Variants in NR4A1 observed in about 807,000 individuals in gnomAD.
NR4A1 encodes the protein nuclear receptor subfamily 4 group A member 1, also known as nuclear receptor subfamily 4immunitygroup A member 1.
In NR4A1, 24 loss-of-function variants were observed where a neutral mutation model predicts 47.5. The observed-to-expected ratio is 0.50, with a 90% CI of 0.37 to 0.71. The LOEUF is 0.71. Ranked by LOEUF, NR4A1 falls within the 30% of genes least tolerant of loss-of-function variation. The pLI is 0.00. For missense variants in NR4A1, 669 were observed against 788.6 expected (o/e 0.85, Z 1.82); for synonymous variants, 353 against 345.7 (o/e 1.02, Z -0.24).
In NR4A1 at chr12:52,057,217, A is replaced by G; in HGVS notation, c.1319A>G (p.Glu440Gly). 1 of 1,613,964 alleles carries G rather than the reference A, an allele frequency of 6.2e-7. No homozygotes were observed. The highest frequency in any genetic ancestry group is 2.2e-5 in the East Asian group (1 of 44,878). Reference protein sequence around the residue: ...LSPADQDLLLESAFLELFILR... With the variant: ...LSPADQDLLLGSAFLELFILR... ...CCGGCTGACCAGGACCTGTTGCTGGAGTCGGCCTTCCTGGAGCTCTTCATC... is the reference window on the plus strand; with the variant it reads ...CCGGCTGACCAGGACCTGTTGCTGGGGTCGGCCTTCCTGGAGCTCTTCATC... The change falls in exon 5 of 7, where the codon GAG becomes GGG. Residue 440 changes from glutamate to glycine, a missense_variant. Physicochemically the swap from Glu to Gly is moderately conservative, Grantham distance 98. Coordinates refer to ENST00000394825, the MANE Select transcript of NR4A1 (RefSeq NM_173157.3).
chr12:52,057,319 C>G, intron 5 of NR4A1, 33 bp from the exon 6 acceptor site: 2 of 1,614,020 alleles, frequency 1.2e-6, no homozygotes, highest in Non-Finnish European at 1.7e-6. Context: ...TGTGAACCAC[C>G]CTGATCGCTC....
rs759337630 is a variant in NR4A1, at chr12:52,057,046, C to T, written c.1159-11C>T. ...GCCTGGGGTGCTGACCCCACTGGAC[C>T]GTCTTCCTAGTTCCAGGAGCTGGTG... On this transcript the variant is annotated splice_polypyrimidine_tract_variant and intron_variant, in intron 4 of 6. Transcript: ENST00000394825. 102 of 1,581,592 alleles carry T rather than the reference C, an allele frequency of 6.4e-5. No individual in the cohort carries two copies. The highest frequency in any genetic ancestry group is 8.1e-5 in the Non-Finnish European group (94 of 1,162,730).
At chr12:52,043,728 C>G in intron 2 of NR4A1, 1 of 1,279,230 alleles carries the variant, frequency 7.8e-7, no homozygotes, top group Non-Finnish European at 1.0e-6. Flanking sequence ...AGCACCACAT[C>G]CAGAGCTCGC....
chr12:52,030,889 T>C (rs1592280864), intron 1 of NR4A1, among the ~76,000 whole-genome samples: 1 of 152,146 alleles, frequency 6.6e-6, no homozygotes. Flanking sequence ...CCCAGCTCTG[T>C]CCCCCTTAGT....
At chr12:52,054,137 C>T in intron 1 of NR4A1, 190 bp from the exon 2 acceptor site, 1 of 588,164 alleles carries the variant, frequency 1.7e-6, no homozygotes, top group Non-Finnish European at 3.0e-6. Context: ...GGCTTTGTGG[C>T]ACCTAGGTCG....
At chr12:52,051,675 TAGGTGTAGTGTGC>T in intron 1 of NR4A1, 107 bp downstream of exon 1, 1 of 741,880 alleles carries the variant, frequency 1.3e-6, no homozygotes, top group Non-Finnish European at 1.6e-6. Flanking sequence ...TGCAAGAGGG[TAGGTGTAGTGTGC>T]AGCTGTAGCA....
At chr12:52,049,341 A>T (rs1452886490), upstream of NR4A1, among the ~76,000 whole-genome samples, 1 of 152,252 alleles carries the variant, frequency 6.6e-6, no homozygotes, top group Non-Finnish European at 1.5e-5. Flanking sequence ...TCAACTGTGT[A>T]TGAAGACTGC....
rs1447963600 is a variant in NR4A1, at chr12:52,055,146, A to G, written c.818A>G (p.Asn273Ser). 6.2e-7 allele frequency: 1 copy of G among 1,614,008 alleles called. No individual in the cohort carries two copies. Among genetic ancestry groups the G allele is most frequent in the Admixed American group, 1.7e-5 (1 of 60,020 alleles). The change falls in exon 2 of 7, where the codon AAC (asparagine) becomes AGC (serine). Residue 273 changes from asparagine to serine, a missense_variant. Physicochemically the swap from Asn to Ser is conservative, Grantham distance 46. Coordinates refer to ENST00000394825, the MANE Select transcript of NR4A1 (RefSeq NM_173157.3). Reference protein sequence around the residue: ...SEGRCAVCGDNASCQHYGVRT... With the variant: ...SEGRCAVCGDSASCQHYGVRT... Reference sequence around the variant, plus strand: ...GGCCGCTGTGCTGTGTGTGGGGACAACGCTTCATGCCAGCATTATGGTGTC... The same window carrying G: ...GGCCGCTGTGCTGTGTGTGGGGACAGCGCTTCATGCCAGCATTATGGTGTC...
chr12:52,024,839 A>G (rs1218111982), intron 1 of NR4A1, among the ~76,000 whole-genome samples: 4 of 152,322 alleles, frequency 2.6e-5, no homozygotes, highest in African/African-American at 7.2e-5. Flanking sequence ...AGCAAACCAC[A>G]CAACCTCTAC....
intron 2 of NR4A1, among the ~76,000 whole-genome samples, chr12:52,042,305 G>A (rs73303768): frequency 6.6e-6 from 1 of 152,222 alleles, no homozygotes; most frequent in African/African-American, 2.4e-5. Flanking sequence ...GGCAGACGTG[G>A]CAGCGGGGAA....
At position 52,043,787 on chromosome 12, in the gene NR4A1, C is replaced by G. The variant is rs968871450; in HGVS notation, c.37+1858C>G. On this transcript the variant is annotated intron_variant, in intron 2 of 7. Transcript: ENST00000360284. ...GTGAGGATAGGCTGGCTGGGCAGCACGTCTCTCCCCACAGGGCTCCCTGAG... is the reference window on the plus strand; with the variant it reads ...GTGAGGATAGGCTGGCTGGGCAGCAGGTCTCTCCCCACAGGGCTCCCTGAG... 2.3e-6 allele frequency: 3 copies of G among 1,287,596 alleles called. No homozygotes were observed. In the South Asian group the frequency reaches 3.7e-5, roughly 16 times the overall value. The allele number at this position is 1,287,596 out of a possible 1,614,324, so 79.8% of individuals were successfully genotyped here.
chr12:52,041,419 C>T (rs1415732010), intron 1 of NR4A1, among the ~76,000 whole-genome samples: 2 of 152,100 alleles, frequency 1.3e-5, no homozygotes, highest in African/African-American at 4.8e-5. Flanking sequence ...AACTGGAGCC[C>T]CTTAAGGAGA....
chr12:52,055,792 A>C, intron 2 of NR4A1: 1 of 375,038 alleles, frequency 2.7e-6, no homozygotes, highest in Non-Finnish European at 4.7e-6. Context: ...GGCCCCCAGT[A>C]GTGTGTCCTG....
At chr12:52,041,743 A>T (rs555429096) in intron 1 of NR4A1, 1 of 1,253,474 alleles carries the variant, frequency 8.0e-7, no homozygotes, top group African/African-American at 1.5e-5. Flanking sequence ...TGTCCTGGGC[A>T]TGCTGTCTCC....
At chr12:52,035,369 TG>T (rs765502967) in intron 1 of NR4A1, among the ~76,000 whole-genome samples, 3 of 152,206 alleles carry the variant, frequency 2.0e-5, no homozygotes, top group Non-Finnish European at 4.4e-5. Flanking sequence ...GAAGCCTTCA[TG>T]GAAAAACTGG....
chr12:52,032,627 T>G (rs545512925), intron 1 of NR4A1, among the ~76,000 whole-genome samples: 1 of 152,334 alleles, frequency 6.6e-6, no homozygotes, highest in South Asian at 2.1e-4. Flanking sequence ...TTTTGTTCTG[T>G]GCTGTGCTGT....
intron 2 of NR4A1, among the ~76,000 whole-genome samples, chr12:52,045,216 C>T (rs1938586045): frequency 6.6e-6 from 1 of 152,152 alleles, no homozygotes; most frequent in South Asian, 2.1e-4. Context: ...GTTCCTGGAG[C>T]AGGAGGGCTG....
At chr12:52,035,398 T>C (rs1210014109) in intron 1 of NR4A1, among the ~76,000 whole-genome samples, 1 of 152,180 alleles carries the variant, frequency 6.6e-6, no homozygotes, top group Admixed American at 6.5e-5. Context: ...GCCCTTTTTT[T>C]CCCTTCCTGT....
rs767000736 is a variant in NR4A1 at position 52,054,834 on chromosome 12, G to T, written c.506G>T (p.Gly169Val). The T allele has an allele frequency of 3.5e-5, 57 of 1,613,652 alleles. No individual in the cohort carries two copies. The highest frequency in any genetic ancestry group is 4.7e-5 in the Non-Finnish European group (56 of 1,179,980). The change falls in exon 2 of 7, where the codon GGC becomes GTC. Residue 169 changes from glycine to valine, a missense_variant. Transcript: ENST00000394825. The stretch of plus-strand genomic sequence containing the variant: ...TTCTCGCCCAGCCAGACTTACGAAG[G>T]CCTGCGGGCATGGACAGAGCAGCTG... The part of the protein sequence containing the change: ...GHFSPSQTYE[G>V]LRAWTEQLPK...
Sources: gnomAD v4.1 joint callset for allele counts (sites outside exome capture counted in the v4.1 genomes callset) on GRCh38, gnomAD v4.1.1 for gene constraint, MANE v1.5 for transcripts, NCBI Gene and HGNC (gene_info 2026-07-23, HGNC 2026-07-21) for gene names.